Variants in RALGPS1 observed in about 807,000 individuals in gnomAD.
The protein encoded by RALGPS1 is Ral GEF with PH domain and SH3 binding motif 1.
In RALGPS1, 19 loss-of-function variants were observed where a neutral mutation model predicts 78.8. The observed-to-expected ratio is 0.24, with a 90% CI of 0.17 to 0.35. The LOEUF is 0.35. Among genes scored for constraint, RALGPS1 ranks in the 10% least tolerant of loss-of-function variants. The probability of loss-of-function intolerance (pLI) is 1.00; values close to 1 mark genes in which losing one functional copy is unlikely to be tolerated. For missense variants in RALGPS1, 454 were observed against 688.3 expected (o/e 0.66, Z 3.81); for synonymous variants, 228 against 256.3 (o/e 0.89, Z 1.06).
chr9:127,153,051 C>T (rs945967222), intron 8 of RALGPS1, among the ~76,000 whole-genome samples: 6 of 152,172 alleles, frequency 3.9e-5, no homozygotes, highest in African/African-American at 9.7e-5. Context: ...CTCAGGTTTT[C>T]GTAGTTTTCT....
At chr9:127,139,886 C>T (rs78688097) in intron 8 of RALGPS1, among the ~76,000 whole-genome samples, 2,091 of 152,228 alleles carry the variant, frequency 0.014, 47 homozygotes, top group East Asian at 0.052. Context: ...TTTGATGTGC[C>T]GTAGTTTTTC....
At chr9:127,126,149 C>G (rs1238599456) in intron 8 of RALGPS1, among the ~76,000 whole-genome samples, 1 of 152,150 alleles carries the variant, frequency 6.6e-6, no homozygotes, top group African/African-American at 2.4e-5. Flanking sequence ...CACCCCACCC[C>G]TACCCCCAAC....
intron 7 of RALGPS1, among the ~76,000 whole-genome samples, chr9:127,067,924 T>C (rs2049860186): frequency 6.6e-6 from 1 of 152,220 alleles, no homozygotes; most frequent in Non-Finnish European, 1.5e-5. Flanking sequence ...ATGTTGCCAT[T>C]TTCTGGCACT....
intron 14 of RALGPS1, among the ~76,000 whole-genome samples, chr9:127,209,378 T>G: frequency 6.6e-6 from 1 of 152,222 alleles, no homozygotes; most frequent in Non-Finnish European, 1.5e-5. Flanking sequence ...ATCATGGTTA[T>G]CTGCATGAGT....
chr9:127,157,864 T>C (rs566367864), intron 8 of RALGPS1, among the ~76,000 whole-genome samples: 173 of 152,292 alleles, frequency 1.1e-3, no homozygotes, highest in African/African-American at 4.0e-3. Context: ...TGTTAAATGA[T>C]AGCAGTATGT....
intron 10 of RALGPS1, among the ~76,000 whole-genome samples, chr9:127,169,976 G>GT (rs1357608111): frequency 6.6e-6 from 1 of 152,184 alleles, no homozygotes; most frequent in Non-Finnish European, 1.5e-5. Context: ...TATCCCCGTC[G>GT]TAAGTTGAGG....
At chr9:127,116,381 G>A (rs1395478319) in intron 8 of RALGPS1, among the ~76,000 whole-genome samples, 1 of 152,172 alleles carries the variant, frequency 6.6e-6, no homozygotes, top group Non-Finnish European at 1.5e-5. Context: ...CAAGGACACT[G>A]CTGTTACTTT....
At chr9:126,986,442 G>A (rs1012141170) in intron 4 of RALGPS1, among the ~76,000 whole-genome samples, 5 of 152,240 alleles carry the variant, frequency 3.3e-5, no homozygotes, top group South Asian at 4.1e-4. Flanking sequence ...GCCAGGGCTT[G>A]GGGCAAGGGC....
chr9:127,117,044 A>C (rs2055506591), intron 8 of RALGPS1, among the ~76,000 whole-genome samples: 1 of 152,132 alleles, frequency 6.6e-6, no homozygotes, highest in African/African-American at 2.4e-5. Context: ...ACATCTGATC[A>C]TGTCAGCGTC....
intron 8 of RALGPS1, among the ~76,000 whole-genome samples, chr9:127,090,503 CA>C (rs1277023309): frequency 6.6e-6 from 1 of 152,220 alleles, no homozygotes; most frequent in African/African-American, 2.4e-5. Context: ...CAGGGATGGG[CA>C]GGTCATGTCC....
chr9:127,157,957 A>G (rs2058798763), intron 8 of RALGPS1, among the ~76,000 whole-genome samples: 1 of 152,076 alleles, frequency 6.6e-6, no homozygotes, highest in Non-Finnish European at 1.5e-5. Flanking sequence ...ATCCTTTATC[A>G]CATCAAGGAA....
intron 5 of RALGPS1, among the ~76,000 whole-genome samples, chr9:127,045,923 G>T (rs12003853): frequency 6.6e-6 from 1 of 152,046 alleles, no homozygotes; most frequent in Non-Finnish European, 1.5e-5. Flanking sequence ...AGGAACCAGC[G>T]TTCCTTGGAG....
Position 127,041,815 on chromosome 9 carries a change from A to G in RALGPS1, c.300+7301A>G, listed in dbSNP as rs77409808. The stretch of plus-strand genomic sequence containing the variant: ...GGGGAAGCTGGATTCAACATAATCT[A>G]TGGGGCCTGGTCAATAAGTGCAGGG... On this transcript the variant is annotated intron_variant, in intron 5 of 18. Transcript: ENST00000259351. Among the ~76,000 whole-genome samples, 209 of 152,338 alleles carry G rather than the reference A, an allele frequency of 1.4e-3. 2 individuals carry two copies. The East Asian group carries it at 0.026, about 19-fold the overall frequency.
intron 1 of RALGPS1, among the ~76,000 whole-genome samples, chr9:126,931,922 G>A (rs373578494): frequency 6.6e-6 from 1 of 151,870 alleles, no homozygotes; most frequent in East Asian, 1.9e-4. Context: ...CTGTGTGTCT[G>A]CCTCAAAGTT....
chr9:127,125,239 A>G (rs1395778761), intron 8 of RALGPS1, among the ~76,000 whole-genome samples: 1 of 152,260 alleles, frequency 6.6e-6, no homozygotes, highest in African/African-American at 2.4e-5. Flanking sequence ...AAGCTCTTGT[A>G]GTTTCTGTTG....
chr9:127,208,369 C>G (rs546522353), intron 14 of RALGPS1, among the ~76,000 whole-genome samples: 1 of 152,334 alleles, frequency 6.6e-6, no homozygotes, highest in East Asian at 1.9e-4. Context: ...GTCCCAATGA[C>G]AGACCCCACC....
At chr9:127,151,641 T>G (rs1040200587) in intron 8 of RALGPS1, among the ~76,000 whole-genome samples, 2 of 152,218 alleles carry the variant, frequency 1.3e-5, no homozygotes, top group African/African-American at 4.8e-5. Context: ...GTGTTTTGCC[T>G]GAGTCTTTGC....
intron 1 of RALGPS1, among the ~76,000 whole-genome samples, chr9:126,948,393 T>A (rs1033097512): frequency 6.6e-6 from 1 of 152,046 alleles, no homozygotes; most frequent in Non-Finnish European, 1.5e-5. Context: ...GGTGCATGCC[T>A]GTAGTCCCAG....
rs1249212067 is a variant in RALGPS1 at position 127,091,686 on chromosome 9, A to G, written c.610+22330A>G. 1.2e-6 allele frequency: 2 copies of G among 1,613,550 alleles called. No individual in the cohort carries two copies. Among genetic ancestry groups the G allele is most frequent in the African/African-American group, 1.3e-5 (1 of 74,814 alleles). ...TTTTCCTACCTGTGTAGACATCATG[A>G]TCTCTGTCCAGGGTGGTGAACTGCT... On this transcript the variant is annotated intron_variant, in intron 8 of 18. Coordinates refer to ENST00000259351, the MANE Select transcript of RALGPS1 (RefSeq NM_014636.3). The surrounding 1 kb of genome is among the most constrained non-coding windows in gnomAD (Gnocchi z 4.3).
Sources: gnomAD v4.1 joint callset for allele counts (sites outside exome capture counted in the v4.1 genomes callset) on GRCh38, gnomAD v4.1.1 for gene constraint, Gnocchi (gnomAD v3.1) non-coding constraint, MANE v1.5 for transcripts, NCBI Gene and HGNC (gene_info 2026-07-23, HGNC 2026-07-21) for gene names.